The following TMEFF2 variants were observed in gnomAD, a reference collection of about 807,000 sequenced individuals.
TMEFF2 encodes tomoregulin-2.
In TMEFF2, 28 loss-of-function variants were observed where a neutral mutation model predicts 53.8. The observed-to-expected ratio is 0.52, with a 90% CI of 0.39 to 0.71. The LOEUF is 0.71. TMEFF2 is among the 30% of genes least tolerant of loss of function. TMEFF2 has a pLI of 0.00. For synonymous variants in TMEFF2, 162 were observed against 166.3 expected (o/e 0.97, Z 0.20); for missense variants, 353 against 455.2 (o/e 0.78, Z 2.04).
chr2:192,005,603 G>A (rs894280303), intron 5 of TMEFF2, among the ~76,000 whole-genome samples: 2 of 152,134 alleles, frequency 1.3e-5, no homozygotes, highest in Admixed American at 6.5e-5. Flanking sequence ...CTATACCGCA[G>A]TGAGGCTGGC....
intron 8 of TMEFF2, among the ~76,000 whole-genome samples, chr2:191,955,557 G>A (rs1300423993): frequency 1.2e-4 from 2 of 16,514 alleles, no homozygotes; most frequent in Admixed American, 6.7e-4. Context: ...TTAGAGATAG[G>A]ATCTCCCTTT....
chr2:192,146,392 A>G (rs868266381), intron 4 of TMEFF2, among the ~76,000 whole-genome samples: 1 of 151,956 alleles, frequency 6.6e-6, no homozygotes, highest in Non-Finnish European at 1.5e-5. Context: ...ATCTGAGACT[A>G]GAAAAATTAA....
chr2:191,988,209 T>C (rs1686023970), intron 7 of TMEFF2, among the ~76,000 whole-genome samples: 1 of 152,222 alleles, frequency 6.6e-6, no homozygotes, highest in African/African-American at 2.4e-5. Flanking sequence ...GTGGACACTT[T>C]ATTAAAACCA....
intron 4 of TMEFF2, among the ~76,000 whole-genome samples, chr2:192,091,201 A>G (rs960892434): frequency 2.0e-5 from 3 of 152,134 alleles, no homozygotes; most frequent in Admixed American, 6.6e-5. Flanking sequence ...CCCCGTGTGT[A>G]TCTGTTTAAT....
At chr2:192,096,891 G>A (rs542133914) in intron 4 of TMEFF2, among the ~76,000 whole-genome samples, 117 of 151,590 alleles carry the variant, frequency 7.7e-4, no homozygotes, top group Non-Finnish European at 1.5e-3. Flanking sequence ...GGCCAGGTTG[G>A]TCTCAAACTC....
chr2:192,047,809 G>A (rs750572853), intron 5 of TMEFF2, among the ~76,000 whole-genome samples: 3 of 152,158 alleles, frequency 2.0e-5, no homozygotes, highest in Non-Finnish European at 4.4e-5. Context: ...AGGGAAATGT[G>A]TCTGGAACAG....
At chr2:192,013,004 G>A (rs114258435) in intron 5 of TMEFF2, among the ~76,000 whole-genome samples, 37 of 152,308 alleles carry the variant, frequency 2.4e-4, no homozygotes, top group Non-Finnish European at 4.6e-4. Context: ...GGAAATAAGA[G>A]AGTTTCTGAA....
At chr2:191,973,632 C>T (rs1309608783) in intron 7 of TMEFF2, among the ~76,000 whole-genome samples, 5 of 152,038 alleles carry the variant, frequency 3.3e-5, no homozygotes, top group Non-Finnish European at 5.9e-5. Flanking sequence ...TAAAAATCTA[C>T]TTTAAAATAG....
intron 4 of TMEFF2, among the ~76,000 whole-genome samples, chr2:192,110,938 T>TGA (rs1689260698): frequency 6.6e-6 from 1 of 152,188 alleles, no homozygotes; most frequent in Non-Finnish European, 1.5e-5. Flanking sequence ...AAGCCCTTTT[T>TGA]TGCTTTGCTC....
At chr2:191,959,358 C>A (rs1009964172) in intron 7 of TMEFF2, among the ~76,000 whole-genome samples, 1 of 152,208 alleles carries the variant, frequency 6.6e-6, no homozygotes, top group African/African-American at 2.4e-5. Context: ...TCTGAGTTAT[C>A]TGCAGCAGAG....
Position 191,949,708 on chromosome 2 carries a change from A to G in TMEFF2, c.*603T>C. ...CTCCCCTTCTTCTTTTATTTAGTTT[A>G]TATGCCAGAGATTTTTCTGCTCTAG... On this transcript the variant is annotated 3_prime_UTR_variant, in exon 10 of 10. Coordinates refer to ENST00000272771, the MANE Select transcript of TMEFF2 (RefSeq NM_016192.4). 1 of 985,418 alleles carries G rather than the reference A, an allele frequency of 1.0e-6. No homozygotes were observed. Among genetic ancestry groups the G allele is most frequent in the Non-Finnish European group, 1.2e-6 (1 of 829,914 alleles). The allele number at this position is 985,418 out of a possible 1,614,324, so 61.0% of individuals were successfully genotyped here.
intron 7 of TMEFF2, among the ~76,000 whole-genome samples, chr2:191,962,363 A>G (rs981694604): frequency 3.9e-5 from 6 of 152,198 alleles, no homozygotes; most frequent in African/African-American, 1.4e-4. Context: ...ATATGCTATA[A>G]ATATTCTTAT....
intron 7 of TMEFF2, among the ~76,000 whole-genome samples, chr2:191,971,650 T>C (rs1043763407): frequency 2.0e-5 from 3 of 152,204 alleles, no homozygotes; most frequent in Non-Finnish European, 4.4e-5. Context: ...TTGATCCTAC[T>C]CACACCTAAT....
chr2:191,979,224 G>A (rs950127963), intron 7 of TMEFF2, among the ~76,000 whole-genome samples: 1 of 152,090 alleles, frequency 6.6e-6, no homozygotes, highest in South Asian at 2.1e-4. Flanking sequence ...AAACAATTCT[G>A]GCATAGAGGC....
chr2:192,132,729 G>T (rs879451977), intron 4 of TMEFF2, among the ~76,000 whole-genome samples: 3 of 152,266 alleles, frequency 2.0e-5, no homozygotes, highest in African/African-American at 7.2e-5. Context: ...ACCAGGGCAA[G>T]GAATGCCTGC....
intron 1 of TMEFF2, among the ~76,000 whole-genome samples, chr2:192,193,056 TG>T (rs768513241): frequency 2.0e-5 from 3 of 152,232 alleles, no homozygotes; most frequent in Non-Finnish European, 4.4e-5. Flanking sequence ...ATTTTCCTTT[TG>T]GCATTTACAT....
At chr2:192,045,721 G>C (rs1033442197) in intron 5 of TMEFF2, among the ~76,000 whole-genome samples, 1 of 152,180 alleles carries the variant, frequency 6.6e-6, no homozygotes, top group Non-Finnish European at 1.5e-5. Context: ...GCTAGAAGCA[G>C]AAACCAACAC....
At position 192,122,540 on chromosome 2, in the gene TMEFF2, T is replaced by C. The variant is rs554183075; in HGVS notation, c.439+57128A>G. 3.3e-5 allele frequency among the ~76,000 whole-genome samples: 5 copies of C among 152,296 alleles called. No homozygotes were observed. The South Asian group carries it at 1.0e-3, about 32-fold the overall frequency. On this transcript the variant is annotated intron_variant, in intron 4 of 9. Coordinates refer to ENST00000272771, the MANE Select transcript of TMEFF2 (RefSeq NM_016192.4). ...AAAGAACAATATGATTTTTAAGGTA[T>C]TTTAAATATGGTGTATGGTACTGCA...
At chr2:192,038,114 T>C (rs1372331431) in intron 5 of TMEFF2, 1 of 152,236 alleles carries the variant, frequency 6.6e-6, no homozygotes, top group East Asian at 1.9e-4. Flanking sequence ...AAGAAACTTC[T>C]TTCCCTTCTT....
Sources: gnomAD v4.1 joint callset for allele counts (sites outside exome capture counted in the v4.1 genomes callset) on GRCh38, gnomAD v4.1.1 for gene constraint, MANE v1.5 for transcripts, NCBI Gene and HGNC (gene_info 2026-07-23, HGNC 2026-07-21) for gene names.